The following GLIS3 variants were observed in gnomAD, a reference collection of about 807,000 sequenced individuals.
The protein encoded by GLIS3 is zinc finger protein GLIS3.
In GLIS3, 53 loss-of-function variants were observed where a neutral mutation model predicts 78.6. The observed-to-expected ratio is 0.67, with a 90% CI of 0.54 to 0.85. The LOEUF (loss-of-function observed/expected upper bound fraction) is 0.85. Ranked by LOEUF, GLIS3 falls within the 40% of genes least tolerant of loss-of-function variation. The pLI is 0.00. For synonymous variants in GLIS3, 684 were observed against 509.9 expected, an observed-to-expected ratio of 1.34 and a Z score of -4.60; for missense variants, 1,703 against 1,231.1, an observed-to-expected ratio of 1.38 and a Z score of -5.74.
chr9:3,882,873 G>C (rs1251346212), intron 7 of GLIS3, among the ~76,000 whole-genome samples: 1 of 152,172 alleles, frequency 6.6e-6, no homozygotes, highest in Non-Finnish European at 1.5e-5. Flanking sequence ...CTATAGTATA[G>C]GAAAATCTTA....
chr9:3,848,295 GT>G (rs1472918103), intron 9 of GLIS3, among the ~76,000 whole-genome samples: 1 of 152,146 alleles, frequency 6.6e-6, no homozygotes, highest in Non-Finnish European at 1.5e-5. Flanking sequence ...GGGCTCGGGA[GT>G]TCAAGAGCAG....
intron 2 of GLIS3, among the ~76,000 whole-genome samples, chr9:4,279,537 G>A (rs1057018570): frequency 6.6e-6 from 1 of 151,628 alleles, no homozygotes; most frequent in South Asian, 2.1e-4. Flanking sequence ...CTCTTGTGAA[G>A]ACCTGGTTTA....
chr9:3,939,854 T>C (rs1014170298), intron 4 of GLIS3, among the ~76,000 whole-genome samples: 1 of 152,174 alleles, frequency 6.6e-6, no homozygotes. Context: ...GCAGGAACCA[T>C]GGAACCCAAG....
intron 2 of GLIS3, among the ~76,000 whole-genome samples, chr9:4,324,206 C>A (rs541304052): frequency 6.6e-6 from 1 of 152,124 alleles, no homozygotes; most frequent in Non-Finnish European, 1.5e-5. Flanking sequence ...TTATGCTGTG[C>A]CCTCTTCTGA....
intron 2 of GLIS3, among the ~76,000 whole-genome samples, chr9:4,162,728 A>G (rs1210750923): frequency 1.3e-5 from 2 of 151,948 alleles, no homozygotes; most frequent in African/African-American, 4.8e-5. Flanking sequence ...ATAGTGGCAC[A>G]CACCTGTAAT....
At chr9:4,149,307 A>C (rs1321402765) in intron 2 of GLIS3, among the ~76,000 whole-genome samples, 11 of 152,212 alleles carry the variant, frequency 7.2e-5, no homozygotes, top group Non-Finnish European at 1.3e-4. Flanking sequence ...CAGGGGAGGA[A>C]AACTAAGGCT....
chr9:4,295,388 T>A (rs1478069230), intron 1 of GLIS3, among the ~76,000 whole-genome samples: 1 of 152,194 alleles, frequency 6.6e-6, no homozygotes, highest in Non-Finnish European at 1.5e-5. Flanking sequence ...TGTTTTTCCT[T>A]AATTCTATCA....
the GLIS3 span, among the ~76,000 whole-genome samples, chr9:4,488,858 T>G: frequency 0.013 from 1,955 of 151,880 alleles, 45 homozygotes; most frequent in African/African-American, 0.045. Flanking sequence ...TGACATTTCC[T>G]TCCTTCTTTC....
intron 4 of GLIS3, among the ~76,000 whole-genome samples, chr9:3,939,295 C>T (rs942588558): frequency 6.6e-6 from 1 of 152,120 alleles, no homozygotes; most frequent in African/African-American, 2.4e-5. Flanking sequence ...AAACAACATC[C>T]CTAGTTCTAC....
intron 2 of GLIS3, among the ~76,000 whole-genome samples, chr9:4,150,035 C>A (rs973271550): frequency 8.4e-5 from 12 of 143,358 alleles, no homozygotes; most frequent in African/African-American, 1.4e-4. Flanking sequence ...CGGGTGCACG[C>A]ATGCACACAT....
At chr9:4,216,405 GAAAGGCGGAGCTTGCAGT>G (rs1278826191) in intron 2 of GLIS3, among the ~76,000 whole-genome samples, 1 of 137,826 alleles carries the variant, frequency 7.3e-6, no homozygotes, top group African/African-American at 2.7e-5. Flanking sequence ...CTTGCAGTGA[GAAAGGCGGAGCTTGCAGT>G]AAGCTGAGAT....
chr9:4,145,752 C>A (rs1564115154), intron 2 of GLIS3, among the ~76,000 whole-genome samples: 2 of 151,898 alleles, frequency 1.3e-5, no homozygotes, highest in South Asian at 2.1e-4. Context: ...TGTTCCCCCT[C>A]CCTCCCTCAC....
chr9:4,080,906 C>T (rs1223684152), intron 4 of GLIS3, among the ~76,000 whole-genome samples: 1 of 152,210 alleles, frequency 6.6e-6, no homozygotes, highest in Admixed American at 6.5e-5. Context: ...ACCCCCTTCA[C>T]CTCTCAAGGA....
chr9:4,027,539 A>G (rs943801673), intron 4 of GLIS3, among the ~76,000 whole-genome samples: 1 of 152,178 alleles, frequency 6.6e-6, no homozygotes, highest in Non-Finnish European at 1.5e-5. Flanking sequence ...TTGTTCAGTT[A>G]ATCTGTGCAT....
At chr9:3,996,417 G>A (rs1219999943) in intron 4 of GLIS3, among the ~76,000 whole-genome samples, 1 of 152,180 alleles carries the variant, frequency 6.6e-6, no homozygotes, top group Non-Finnish European at 1.5e-5. Flanking sequence ...GATTCTGGAG[G>A]ATGGGGTGAC....
chr9:3,905,517 GGTTT>G (rs1823637612), intron 6 of GLIS3, among the ~76,000 whole-genome samples: 1 of 152,172 alleles, frequency 6.6e-6, no homozygotes, highest in Non-Finnish European at 1.5e-5. Context: ...CTCCCCTGCA[GGTTT>G]GTCACTTGGT....
chr9:4,078,459 T>C (rs1009734258), intron 4 of GLIS3, among the ~76,000 whole-genome samples: 3 of 152,172 alleles, frequency 2.0e-5, no homozygotes, highest in Non-Finnish European at 4.4e-5. Context: ...AACAATATAA[T>C]TCTTCTTGCA....
At chr9:4,239,369 T>A (rs1195035465) in intron 2 of GLIS3, among the ~76,000 whole-genome samples, 1 of 143,260 alleles carries the variant, frequency 7.0e-6, no homozygotes, top group African/African-American at 2.7e-5. Flanking sequence ...CGTTCACGAC[T>A]TTTTTTTTTT....
chr9:4,185,925 G>A (rs1817744994), intron 2 of GLIS3, among the ~76,000 whole-genome samples: 1 of 152,064 alleles, frequency 6.6e-6, no homozygotes, highest in African/African-American at 2.4e-5. Context: ...GGTGGAAAAT[G>A]GAAGGACAGT....
Sources: allele counts gnomAD v4.1 joint callset (sites outside exome capture counted in the v4.1 genomes callset), GRCh38; gene constraint gnomAD v4.1.1; transcripts MANE v1.5; gene names NCBI Gene and HGNC (gene_info 2026-07-23, HGNC 2026-07-21).